The following NRXN3 variants were observed in gnomAD, a reference collection of about 807,000 sequenced individuals.
NRXN3 encodes neurexin III.
In NRXN3, 32 loss-of-function variants were observed where a neutral mutation model predicts 137.6. The observed-to-expected ratio is 0.23, with a 90% CI of 0.18 to 0.31. The LOEUF is 0.31. Among genes scored for constraint, NRXN3 ranks in the 10% least tolerant of loss-of-function variants. The probability of loss-of-function intolerance (pLI) is 1.00; values close to 1 mark genes in which losing one functional copy is unlikely to be tolerated. For synonymous variants in NRXN3, 798 were observed against 784.5 expected, an observed-to-expected ratio of 1.02 and a Z score of -0.29; for missense variants, 1,574 against 2,062.5, an observed-to-expected ratio of 0.76 and a Z score of 4.59.
chr14:79,619,478 T>C (rs896627715), intron 16 of NRXN3, among the ~76,000 whole-genome samples: 3 of 152,078 alleles, frequency 2.0e-5, no homozygotes, highest in Non-Finnish European at 4.4e-5. Flanking sequence ...CCTTTCCCCA[T>C]TGCTTGTGAC....
intron 8 of NRXN3, among the ~76,000 whole-genome samples, chr14:78,741,638 G>A (rs191104017): frequency 5.8e-4 from 88 of 152,162 alleles, no homozygotes; most frequent in Admixed American, 2.4e-3. Context: ...TATCTATCAC[G>A]TCCCACCCTT....
rs1023195306 is a variant in NRXN3 at position 79,615,676 on chromosome 14, A to C, written c.3445-48102A>C. 1.1e-4 allele frequency among the ~76,000 whole-genome samples: 16 copies of C among 152,268 alleles called. No individual in the cohort carries two copies. The South Asian group carries it at 1.2e-3, about 12-fold the overall frequency. The stretch of plus-strand genomic sequence containing the variant: ...ACATGGCAGCAGGAGAGGGAAGTGC[A>C]GAGTGAAGGGGGGAAAAGCCCCGTA... On this transcript the variant is annotated intron_variant, in intron 16 of 20. Transcript: ENST00000335750.
intron 19 of NRXN3, 133 bp downstream of exon 19, chr14:79,698,070 T>C (rs1282841015): frequency 6.3e-6 from 5 of 797,920 alleles, no homozygotes; most frequent in African/African-American, 3.5e-5. Flanking sequence ...CTCATAGTAA[T>C]GAGACCCAGG....
At chr14:79,809,736 C>T (rs574861418) in intron 20 of NRXN3, among the ~76,000 whole-genome samples, 40 of 152,132 alleles carry the variant, frequency 2.6e-4, no homozygotes, top group Non-Finnish European at 4.6e-4. Context: ...ACTTTAGATT[C>T]GTTCTTTGCA....
intron 1 of NRXN3, among the ~76,000 whole-genome samples, chr14:78,210,086 G>C (rs1212002273): frequency 6.6e-6 from 1 of 152,186 alleles, no homozygotes; most frequent in Non-Finnish European, 1.5e-5. Flanking sequence ...ACCACACAAG[G>C]ATCACTGCCT....
intron 15 of NRXN3, among the ~76,000 whole-genome samples, chr14:79,421,634 C>A (rs143606296): frequency 1.8e-4 from 27 of 152,198 alleles, no homozygotes; most frequent in East Asian, 9.7e-4. Flanking sequence ...TATTAGGAGA[C>A]GTTGTCTAGC....
intron 10 of NRXN3, among the ~76,000 whole-genome samples, chr14:78,821,542 C>G (rs890739427): frequency 5.3e-5 from 8 of 151,946 alleles, no homozygotes; most frequent in African/African-American, 1.9e-4. Context: ...TGTATGGCAG[C>G]AGCAAATGTG....
chr14:78,954,099 G>A (rs575730324), intron 10 of NRXN3, among the ~76,000 whole-genome samples: 12 of 152,144 alleles, frequency 7.9e-5, no homozygotes, highest in Admixed American at 2.0e-4. Flanking sequence ...CCTTCAGCTT[G>A]TGTCTGCATC....
chr14:79,831,174 T>G (rs1307306896), intron 20 of NRXN3, among the ~76,000 whole-genome samples: 2 of 152,176 alleles, frequency 1.3e-5, no homozygotes, highest in African/African-American at 4.8e-5. Flanking sequence ...ACGCTTGCTT[T>G]ATCACCAGCT....
intron 15 of NRXN3, among the ~76,000 whole-genome samples, chr14:79,054,935 G>C (rs768342936): frequency 9.9e-5 from 15 of 152,166 alleles, no homozygotes; most frequent in African/African-American, 3.1e-4. Flanking sequence ...TTTGTGAGCT[G>C]CAGGGTTCAG....
chr14:78,304,825 C>T (rs148178313), intron 4 of NRXN3, among the ~76,000 whole-genome samples: 1 of 152,244 alleles, frequency 6.6e-6, no homozygotes, highest in Non-Finnish European at 1.5e-5. Context: ...CAGTAGTCTC[C>T]ACTCTGTTCC....
intron 15 of NRXN3, chr14:79,072,644 T>A (rs1484578963): frequency 6.6e-6 from 1 of 152,182 alleles, no homozygotes; most frequent in African/African-American, 2.4e-5. Flanking sequence ...ACTTAGCTGA[T>A]AATTTAGGCC....
At chr14:79,331,967 A>G (rs1418120306) in intron 15 of NRXN3, among the ~76,000 whole-genome samples, 1 of 151,958 alleles carries the variant, frequency 6.6e-6, no homozygotes, top group African/African-American at 2.4e-5. Flanking sequence ...TACATTCCCA[A>G]ATGAGGAAAT....
intron 4 of NRXN3, among the ~76,000 whole-genome samples, chr14:78,447,259 A>G (rs2094442816): frequency 6.6e-6 from 1 of 152,224 alleles, no homozygotes; most frequent in Non-Finnish European, 1.5e-5. Context: ...GTGTGAGTAA[A>G]TGAGATAACA....
chr14:78,659,997 G>A (rs573136576), intron 6 of NRXN3, among the ~76,000 whole-genome samples: 17 of 152,194 alleles, frequency 1.1e-4, no homozygotes, highest in African/African-American at 3.4e-4. Flanking sequence ...AAGAAGGAGC[G>A]AAACCCTCAG....
At chr14:79,177,587 GT>G (rs2062474121) in intron 15 of NRXN3, among the ~76,000 whole-genome samples, 1 of 152,120 alleles carries the variant, frequency 6.6e-6, no homozygotes, top group South Asian at 2.1e-4. Context: ...GCAATCTAGG[GT>G]TTCTGAGGGA....
intron 6 of NRXN3, among the ~76,000 whole-genome samples, chr14:78,676,535 G>C (rs2098009073): frequency 6.6e-6 from 1 of 152,096 alleles, no homozygotes; most frequent in Admixed American, 6.6e-5. Flanking sequence ...AATTAGTAAA[G>C]GTTAGTTCAA....
chr14:79,345,041 T>C (rs988621422), intron 15 of NRXN3, among the ~76,000 whole-genome samples: 1 of 152,230 alleles, frequency 6.6e-6, no homozygotes, highest in Admixed American at 6.5e-5. Flanking sequence ...TTCTAACATA[T>C]GTCCTCTATT....
At chr14:79,590,840 G>C (rs2097796935) in intron 16 of NRXN3, among the ~76,000 whole-genome samples, 1 of 152,114 alleles carries the variant, frequency 6.6e-6, no homozygotes, top group African/African-American at 2.4e-5. Flanking sequence ...TTCTGCTTTT[G>C]CATCAAATTT....
Sources: allele counts gnomAD v4.1 joint callset (sites outside exome capture counted in the v4.1 genomes callset), GRCh38; gene constraint gnomAD v4.1.1; transcripts MANE v1.5; gene names NCBI Gene and HGNC (gene_info 2026-07-23, HGNC 2026-07-21).